The following TMC2 variants were observed in gnomAD, a reference collection of about 807,000 sequenced individuals.
TMC2 encodes the protein transmembrane channel-like protein 2.
A neutral mutation model predicts 105.9 loss-of-function variants in TMC2; 102 were observed. The observed-to-expected ratio is 0.96, with a 90% confidence interval of 0.82 to 1.14. The LOEUF is 1.14. Among genes scored for constraint, TMC2 ranks in the 50% most tolerant of loss-of-function variants. The probability of loss-of-function intolerance (pLI) is 0.00; values close to 1 mark genes in which losing one functional copy is unlikely to be tolerated. For missense variants in TMC2, 1,093 were observed against 1,134.3 expected, an observed-to-expected ratio of 0.96 and a Z score of 0.52; for synonymous variants, 402 against 422.8, an observed-to-expected ratio of 0.95 and a Z score of 0.60.
rs150942490 is a variant in TMC2, at chr20:2,602,315, C to G, written c.1413+14C>G. On this transcript the variant is annotated intron_variant, in intron 11 of 19. Transcript: ENST00000358864. ...GAAAGGAATGAGGTAAGAAAAACAT[C>G]GCTGATGAACTGAAGGTTGATGGCA... The G allele has an allele frequency of 6.4e-7, 1 of 1,553,930 alleles. No individual in the cohort carries two copies. The highest frequency in any genetic ancestry group is 1.4e-5 in the African/African-American group (1 of 72,444).
Position 2,624,385 on chromosome 20 carries a change from C to T in TMC2, c.2295C>T (p.Ile765=). 6.2e-7 allele frequency: 1 copy of T among 1,613,676 alleles called. No homozygotes were observed. The highest frequency in any genetic ancestry group is 8.5e-7 in the Non-Finnish European group (1 of 1,179,826). The change falls in exon 17 of 20, where the codon ATC becomes ATT. Residue 765 remains isoleucine (I), a synonymous_variant. Coordinates refer to ENST00000358864, the MANE Select transcript of TMC2 (RefSeq NM_080751.3). ...LANPGLIIPA[I]LLMFLAIYYL... ...ATCCAGGCCTGATCATCCCAGCCATCCTGCTGATGTTGTAAGTTAGCCAGG... is the reference window on the plus strand; with the variant it reads ...ATCCAGGCCTGATCATCCCAGCCATTCTGCTGATGTTGTAAGTTAGCCAGG...
intron 2 of TMC2, among the ~76,000 whole-genome samples, chr20:2,537,582 A>G (rs2085858549): frequency 6.6e-6 from 1 of 152,124 alleles, no homozygotes; most frequent in Admixed American, 6.5e-5. Flanking sequence ...AGCAGTGAAC[A>G]TTCACCAGAC....
chr20:2,641,636 C>G lies in TMC2; in HGVS notation c.*285C>G, dbSNP rs1172874684. Reference sequence around the variant, plus strand: ...GAACCCCACGCTCACAGTGGTCGACCTTGCCTCCCGATTTTCGGAGTTGGG... The same window carrying G: ...GAACCCCACGCTCACAGTGGTCGACGTTGCCTCCCGATTTTCGGAGTTGGG... On this transcript the variant is annotated 3_prime_UTR_variant, in exon 20 of 20. Coordinates refer to ENST00000358864, the MANE Select transcript of TMC2 (RefSeq NM_080751.3). 2.8e-6 allele frequency: 1 copy of G among 358,208 alleles called. No homozygotes were observed. The highest frequency in any genetic ancestry group is 5.2e-6 in the Non-Finnish European group (1 of 193,484). 22.2% of individuals were successfully genotyped at this position (358,208 alleles called of 1,614,324 possible).
intron 16 of TMC2, among the ~76,000 whole-genome samples, chr20:2,623,685 A>T (rs1256421368): frequency 6.6e-6 from 1 of 152,224 alleles, no homozygotes; most frequent in Non-Finnish European, 1.5e-5. Flanking sequence ...AGCAGCATCC[A>T]GGAGTCTCTG....
At chr20:2,599,539 A>ATTTTTTTTTTTTTTTTTTTTTTTT (rs11409325) in intron 10 of TMC2, among the ~76,000 whole-genome samples, 2 of 85,514 alleles carry the variant, frequency 2.3e-5, no homozygotes, top group Non-Finnish European at 2.1e-5. Flanking sequence ...CTTTAATTAC[A>ATTTTTTTTTTTTTTTTTTTTTTTT]TTTTTTTTTT....
intron 14 of TMC2, among the ~76,000 whole-genome samples, chr20:2,615,556 T>C (rs1260798250): frequency 6.6e-6 from 1 of 152,230 alleles, no homozygotes; most frequent in East Asian, 1.9e-4. Context: ...TTTCAAATAT[T>C]CGGACAAATC....
Position 2,558,803 on chromosome 20 carries a change from C to T in TMC2, c.401+29C>T, listed in dbSNP as rs754839371. On this transcript the variant is annotated intron_variant, in intron 3 of 19. Coordinates refer to ENST00000358864, the MANE Select transcript of TMC2 (RefSeq NM_080751.3). The surrounding 1 kb of genome is among the most constrained non-coding windows in gnomAD (Gnocchi z 4.6). ...TGTTGTGGCTCCGATTCTGGGCATT[C>T]GCTCCGCGCGCTCCCGCTCCTTCGC... is the stretch of plus-strand genomic sequence containing the variant. 11 of 1,497,856 alleles carry T rather than the reference C, an allele frequency of 7.3e-6. No individual in the cohort carries two copies. The African/African-American group carries it at 9.8e-5, about 13-fold the overall frequency. 92.8% of individuals were successfully genotyped at this position (1,497,856 alleles called of 1,614,324 possible). A position where few individuals can be genotyped will look rare whatever the true frequency, so the allele number is the denominator to read the frequency against.
In TMC2 at chr20:2,643,075, T is replaced by C. The variant is rs1011986914; in HGVS notation, c.*1724T>C. ...CATATATATACAAACTGCAATGGAA[T>C]AATAGGGACATGTGACCAGGAGAAA... On this transcript the variant is annotated 3_prime_UTR_variant, in exon 20 of 20. Transcript: ENST00000358864. 1.3e-5 allele frequency among the ~76,000 whole-genome samples: 2 copies of C among 152,168 alleles called. No individual in the cohort carries two copies. Among genetic ancestry groups the C allele is most frequent in the Non-Finnish European group, 1.5e-5 (1 of 68,034 alleles).
chr20:2,610,194 C>T (rs535891414), intron 11 of TMC2, among the ~76,000 whole-genome samples: 1 of 152,162 alleles, frequency 6.6e-6, no homozygotes, highest in Non-Finnish European at 1.5e-5. Flanking sequence ...ACCATTATAG[C>T]ATCTGGTCAC....
In TMC2 at chr20:2,556,073, ATT is replaced by A. The variant is rs2085983241; in HGVS notation, c.83-2380_83-2379del. Among the ~76,000 whole-genome samples, 4 of 152,230 alleles carry A rather than the reference ATT, an allele frequency of 2.6e-5. No homozygotes were observed. The South Asian group carries it at 8.3e-4, about 32-fold the overall frequency. ...GTCAGTTAGGAATTTAAAAAGAAGG[ATT>A]TTATTTTTTATTTTTTATTTTTATT... On this transcript the variant is annotated intron_variant, in intron 2 of 19. Coordinates refer to ENST00000358864, the MANE Select transcript of TMC2 (RefSeq NM_080751.3).
At chr20:2,559,241 C>G (rs1171487805) in intron 3 of TMC2, among the ~76,000 whole-genome samples, 1 of 152,220 alleles carries the variant, frequency 6.6e-6, no homozygotes, top group Non-Finnish European at 1.5e-5. Context: ...GGATCTGGGC[C>G]AGTTTCCTCT....
chr20:2,614,241 C>T (rs2086464278), intron 14 of TMC2, among the ~76,000 whole-genome samples: 1 of 152,082 alleles, frequency 6.6e-6, no homozygotes, highest in South Asian at 2.1e-4. Flanking sequence ...GTAAGATCAC[C>T]ACGATTTCCA....
chr20:2,565,733 T>C (rs2086059645), intron 4 of TMC2, among the ~76,000 whole-genome samples: 1 of 152,088 alleles, frequency 6.6e-6, no homozygotes, highest in African/African-American at 2.4e-5. Context: ...ATGGTTACTG[T>C]AGACTATCTA....
chr20:2,611,886 G>GTGGT (rs2086442625), intron 12 of TMC2, among the ~76,000 whole-genome samples: 1 of 87,442 alleles, frequency 1.1e-5, no homozygotes, highest in Admixed American at 1.3e-4. Context: ...GGGTGGGTGG[G>GTGGT]TGGATGGATG....
At position 2,558,906 on chromosome 20, in the gene TMC2, C is replaced by T. The variant is rs1254104005; in HGVS notation, c.401+132C>T. 1 of 923,122 alleles carries T rather than the reference C, an allele frequency of 1.1e-6. No homozygotes were observed. Among genetic ancestry groups the T allele is most frequent in the African/African-American group, 1.7e-5 (1 of 59,650 alleles). The allele number at this position is 923,122 out of a possible 1,614,324, so 57.2% of individuals were successfully genotyped here. A position where few individuals can be genotyped will look rare whatever the true frequency, so the allele number is the denominator to read the frequency against. On this transcript the variant is annotated intron_variant, in intron 3 of 19. Coordinates refer to ENST00000358864, the MANE Select transcript of TMC2 (RefSeq NM_080751.3). The surrounding 1 kb of genome is among the most constrained non-coding windows in gnomAD (Gnocchi z 4.6). ...CAGCCCGTGCCCTCGCTCTGGCTTC[C>T]GTGCCTCCCAGCCCTTACCACTGCC...
At chr20:2,551,576 T>C (rs186289506) in intron 2 of TMC2, among the ~76,000 whole-genome samples, 34 of 152,338 alleles carry the variant, frequency 2.2e-4, no homozygotes, top group Non-Finnish European at 3.4e-4. Flanking sequence ...CATTGCTAAA[T>C]TGAAGGCCAT....
intron 8 of TMC2, among the ~76,000 whole-genome samples, chr20:2,593,647 C>A (rs1568517187): frequency 6.6e-6 from 1 of 152,202 alleles, no homozygotes; most frequent in Non-Finnish European, 1.5e-5. Flanking sequence ...ATCTCTTTTA[C>A]CTTCACTTTG....
rs1356124382 is a variant in TMC2, at chr20:2,641,621, C to G, written c.*270C>G. On this transcript the variant is annotated 3_prime_UTR_variant, in exon 20 of 20. Transcript: ENST00000358864. ...GGTTCAGACAGCTCTGAACCCCACG[C>G]TCACAGTGGTCGACCTTGCCTCCCG... The G allele has an allele frequency of 2.5e-6, 1 of 400,760 alleles. No individual in the cohort carries two copies. Among genetic ancestry groups the G allele is most frequent in the Non-Finnish European group, 4.6e-6 (1 of 218,428 alleles). The allele number at this position is 400,760 out of a possible 1,614,324, so 24.8% of individuals were successfully genotyped here. A position where few individuals can be genotyped will look rare whatever the true frequency, so the allele number is the denominator to read the frequency against.
rs144037278 is a variant in TMC2 at position 2,612,334 on chromosome 20, G to A, written c.1737G>A (p.Val579=). 1.6e-5 allele frequency: 25 copies of A among 1,572,462 alleles called. No homozygotes were observed. In the East Asian group the frequency reaches 3.2e-4, roughly 20 times the overall value. Residue 579 remains valine (V), a synonymous_variant, in exon 13 of 20, where the codon GTG becomes GTA. Transcript: ENST00000358864. ...GGGGTTCTTGCTGGGAGACAGCTGT[G>A]GGCATTGTGAGTAGTTACACTCTCT... ...VPRGSCWETA[V]GIEFMRLTVS... is the part of the protein sequence containing the mutation.
Sources: allele counts gnomAD v4.1 joint callset (sites outside exome capture counted in the v4.1 genomes callset), GRCh38; gene constraint gnomAD v4.1.1; non-coding constraint Gnocchi (gnomAD v3.1); transcripts MANE v1.5; gene names NCBI Gene and HGNC (gene_info 2026-07-23, HGNC 2026-07-21).